TPST1: variants seen among roughly 807,000 people sequenced by gnomAD.
The protein encoded by TPST1 is tyrosylprotein sulfotransferase 1.
Under a neutral mutation model 34.8 loss-of-function variants are expected in TPST1, and 20 were observed. The observed-to-expected ratio is 0.57, with a 90% CI of 0.40 to 0.84. The LOEUF (loss-of-function observed/expected upper bound fraction) is 0.84. TPST1 is among the 40% of genes least tolerant of loss of function. The pLI is 0.00. For synonymous variants in TPST1, 152 were observed against 159.4 expected (o/e 0.95, Z 0.35); for missense variants, 353 against 455.5 (o/e 0.78, Z 2.05).
chr7:66,344,793 G>A (rs1281367484), intron 3 of TPST1, among the ~76,000 whole-genome samples: 1 of 148,778 alleles, frequency 6.7e-6, no homozygotes, highest in African/African-American at 2.5e-5. Flanking sequence ...GTGCAATCTC[G>A]GCTCACTGCA....
chr7:66,318,960 T>G (rs1791693736), intron 3 of TPST1, among the ~76,000 whole-genome samples: 1 of 152,264 alleles, frequency 6.6e-6, no homozygotes, highest in African/African-American at 2.4e-5. Flanking sequence ...ACTATCAGCG[T>G]AGTTGCTATT....
At chr7:66,284,115 T>C (rs1790984673) in intron 2 of TPST1, among the ~76,000 whole-genome samples, 1 of 152,222 alleles carries the variant, frequency 6.6e-6, no homozygotes, top group South Asian at 2.1e-4. Context: ...TCAGTGGTTA[T>C]ACAGCAAAGC....
chr7:66,240,374 G>T lies in TPST1; in HGVS notation c.-52G>T. On this transcript the variant is annotated 5_prime_UTR_variant, in exon 2 of 6. Transcript: ENST00000304842. ...ACTGTCCATGGCCTGAACATTTTCC[G>T]AAAATCATTTTGAGCAAAATATCTG... is the stretch of plus-strand genomic sequence containing the variant. 1 of 1,570,762 alleles carries T rather than the reference G, an allele frequency of 6.4e-7. No homozygotes were observed. The highest frequency in any genetic ancestry group is 1.2e-5 in the South Asian group (1 of 82,864).
At chr7:66,209,714 C>G (rs2116210525) in intron 1 of TPST1, among the ~76,000 whole-genome samples, 1 of 152,304 alleles carries the variant, frequency 6.6e-6, no homozygotes, top group South Asian at 2.1e-4. Flanking sequence ...TACTTGTTTA[C>G]ATGTCTTTCT....
chr7:66,318,376 G>A (rs1311817567), intron 3 of TPST1, among the ~76,000 whole-genome samples: 1 of 151,780 alleles, frequency 6.6e-6, no homozygotes, highest in African/African-American at 2.4e-5. Flanking sequence ...TTATGTATAT[G>A]TTTACCATTT....
intron 3 of TPST1, among the ~76,000 whole-genome samples, chr7:66,300,111 T>C (rs980017668): frequency 6.6e-6 from 1 of 152,200 alleles, no homozygotes; most frequent in Non-Finnish European, 1.5e-5. Flanking sequence ...CAGCAAGTCA[T>C]AATCATTTTG....
chr7:66,346,887 A>G (rs1792362111), intron 3 of TPST1, among the ~76,000 whole-genome samples: 1 of 152,040 alleles, frequency 6.6e-6, no homozygotes, highest in Non-Finnish European at 1.5e-5. Flanking sequence ...GTATTACTCA[A>G]GAAATCTTTG....
chr7:66,239,164 T>G (rs1789973447), intron 1 of TPST1, among the ~76,000 whole-genome samples: 1 of 152,228 alleles, frequency 6.6e-6, no homozygotes, highest in Non-Finnish European at 1.5e-5. Context: ...TGTCTTTTCT[T>G]TCTTAAAGAG....
chr7:66,296,247 T>TTCCCCCCCCCCCC (rs1554349789), intron 3 of TPST1, among the ~76,000 whole-genome samples: 5 of 40,056 alleles, frequency 1.2e-4, no homozygotes, highest in East Asian at 5.4e-4. Context: ...CACCCACCCT[T>TTCCCCCCCCCCCC]CCCCCCCCCC....
At chr7:66,349,896 A>G (rs1792437764) in intron 3 of TPST1, among the ~76,000 whole-genome samples, 1 of 152,226 alleles carries the variant, frequency 6.6e-6, no homozygotes, top group Non-Finnish European at 1.5e-5. Flanking sequence ...CTTGACCCAC[A>G]GACAATAGGC....
chr7:66,355,990 G>C (rs1792575692), intron 4 of TPST1, among the ~76,000 whole-genome samples: 1 of 150,674 alleles, frequency 6.6e-6, no homozygotes, highest in South Asian at 2.1e-4. Context: ...AGACAGCTGT[G>C]ATTGTGCCAC....
intron 4 of TPST1, among the ~76,000 whole-genome samples, chr7:66,355,749 A>G (rs1054009822): frequency 1.5e-4 from 23 of 151,626 alleles, no homozygotes; most frequent in African/African-American, 5.6e-4. Flanking sequence ...ACAAGTACCA[A>G]AAAAAATTAG....
At chr7:66,355,361 G>T (rs1792561632) in intron 4 of TPST1, among the ~76,000 whole-genome samples, 1 of 151,622 alleles carries the variant, frequency 6.6e-6, no homozygotes, top group Non-Finnish European at 1.5e-5. Context: ...TGTAATCCCA[G>T]CTACTTGGGA....
Position 66,205,384 on chromosome 7 carries a change from G to A in TPST1, c.-240G>A, listed in dbSNP as rs142928539. On this transcript the variant is annotated 5_prime_UTR_variant, in exon 1 of 6. Coordinates refer to ENST00000304842, the MANE Select transcript of TPST1 (RefSeq NM_003596.4). The surrounding 1 kb of genome is among the most constrained non-coding windows in gnomAD (Gnocchi z 5.0). The stretch of plus-strand genomic sequence containing the variant: ...GCGGGTCGGAACGGCGCTGCTCTGC[G>A]GGGCCGGTCCAGGCTGGCAGCTGCC... 0.02 allele frequency: 2,985 copies of A among 152,456 alleles called. 45 individuals carry two copies. The highest frequency in any genetic ancestry group is 0.041 in the Middle Eastern group (12 of 294). 9.4% of individuals were successfully genotyped at this position (152,456 alleles called of 1,614,324 possible).
chr7:66,247,056 A>G (rs1424378526), intron 2 of TPST1, among the ~76,000 whole-genome samples: 1 of 152,232 alleles, frequency 6.6e-6, no homozygotes, highest in Non-Finnish European at 1.5e-5. Context: ...ATGATCTAAT[A>G]GAAGACTTAG....
chr7:66,241,512 C>T (rs1790036039), intron 2 of TPST1, among the ~76,000 whole-genome samples: 2 of 151,964 alleles, frequency 1.3e-5, no homozygotes, highest in South Asian at 2.1e-4. Flanking sequence ...TATATCGTGG[C>T]CCTCTTTATT....
intron 3 of TPST1, among the ~76,000 whole-genome samples, chr7:66,298,554 G>T (rs1791248621): frequency 6.6e-6 from 1 of 152,058 alleles, no homozygotes; most frequent in African/African-American, 2.4e-5. Flanking sequence ...CAGTTTTATA[G>T]TCTCTGCCTT....
Position 66,286,693 on chromosome 7 carries a change from T to C in TPST1, c.1028T>C (p.Ile343Thr). The part of the protein sequence containing the change: ...PNYGKPDPKI[I>T]ENTRRVYKGE... The stretch of plus-strand genomic sequence containing the variant: ...TACGGAAAACCTGATCCCAAAATTA[T>C]TGAAAACACTCGAAGGGTAAGTGAG... Residue 343 changes from isoleucine to threonine, a missense_variant, in exon 3 of 6, where the codon ATT becomes ACT. Ile to Thr is a moderately conservative substitution (Grantham distance 89, BLOSUM62 -1). Coordinates refer to ENST00000304842, the MANE Select transcript of TPST1 (RefSeq NM_003596.4). The C allele has an allele frequency of 6.3e-7, 1 of 1,577,166 alleles. No homozygotes were observed. Among genetic ancestry groups the C allele is most frequent in the Non-Finnish European group, 8.6e-7 (1 of 1,160,044 alleles).
chr7:66,352,811 A>G, intron 4 of TPST1: 4 of 985,404 alleles, frequency 4.1e-6, no homozygotes, highest in Non-Finnish European at 3.6e-6. Context: ...TTGATAACCA[A>G]ATTCTGATTG....
Sources: gnomAD v4.1 joint callset for allele counts (sites outside exome capture counted in the v4.1 genomes callset) on GRCh38, gnomAD v4.1.1 for gene constraint, Gnocchi (gnomAD v3.1) non-coding constraint, MANE v1.5 for transcripts, NCBI Gene and HGNC (gene_info 2026-07-23, HGNC 2026-07-21) for gene names.